Variants in DLGAP1 observed in about 807,000 individuals in gnomAD.
DLGAP1 encodes the protein disks large-associated protein 1.
A neutral mutation model predicts 90.8 loss-of-function variants in DLGAP1; 11 were observed. The ratio of observed to expected loss-of-function variants is 0.12; its 90% confidence interval spans 0.08 to 0.20. The LOEUF (loss-of-function observed/expected upper bound fraction) is 0.20. DLGAP1 is among the 10% of genes least tolerant of loss of function. DLGAP1 has a pLI of 1.00. For synonymous variants in DLGAP1, 558 were observed against 540.7 expected, an observed-to-expected ratio of 1.03 and a Z score of -0.44; for missense variants, 1,050 against 1,333.8, an observed-to-expected ratio of 0.79 and a Z score of 3.31.
chr18:3,530,261 G>C (rs995509938), intron 10 of DLGAP1, among the ~76,000 whole-genome samples: 4 of 152,058 alleles, frequency 2.6e-5, no homozygotes, highest in Admixed American at 2.0e-4. Context: ...TTAAAAATTA[G>C]CCAGGCATGG....
intron 1 of DLGAP1, among the ~76,000 whole-genome samples, chr18:4,449,218 T>C (rs2083753307): frequency 6.6e-6 from 1 of 152,214 alleles, no homozygotes; most frequent in South Asian, 2.1e-4. Context: ...ACTAATATGT[T>C]AATTTTGAAT....
intron 1 of DLGAP1, among the ~76,000 whole-genome samples, chr18:4,435,368 T>G (rs1196556350): frequency 6.6e-6 from 1 of 152,052 alleles, no homozygotes; most frequent in East Asian, 1.9e-4. Flanking sequence ...AAACAGAAAA[T>G]ATAGTCACAT....
rs558187637 is a variant in DLGAP1 at position 4,158,458 on chromosome 18, C to T, written c.-266-7171G>A. ...CCCTGGGCCCTGCAAATTATGTAGC[C>T]ATTAACATTCACCCTGATGTTATGA... On this transcript the variant is annotated intron_variant, in intron 1 of 12. Transcript: ENST00000315677. 1.8e-3 allele frequency among the ~76,000 whole-genome samples: 273 copies of T among 152,230 alleles called. 1 individual carries two copies. The highest frequency in any genetic ancestry group is 5.5e-3 in the African/African-American group (229 of 41,534).
intron 7 of DLGAP1, among the ~76,000 whole-genome samples, chr18:3,659,394 T>TATATACACAC (rs1555618610): frequency 5.5e-4 from 56 of 102,168 alleles, no homozygotes; most frequent in South Asian, 4.6e-3. Flanking sequence ...CATACATTTA[T>TATATACACAC]ACACACACAC....
intron 1 of DLGAP1, among the ~76,000 whole-genome samples, chr18:4,345,730 G>A (rs762684768): frequency 3.3e-5 from 5 of 152,164 alleles, no homozygotes; most frequent in African/African-American, 9.7e-5. Flanking sequence ...CACCTCAATC[G>A]ATGTTCAATG....
chr18:4,020,750 C>T (rs769041008), intron 2 of DLGAP1, among the ~76,000 whole-genome samples: 1 of 152,142 alleles, frequency 6.6e-6, no homozygotes, highest in Non-Finnish European at 1.5e-5. Flanking sequence ...AACGGGGGAC[C>T]AGTCGGCCTT....
chr18:3,672,435 G>C (rs1302205692), intron 7 of DLGAP1, among the ~76,000 whole-genome samples: 3 of 151,736 alleles, frequency 2.0e-5, no homozygotes. Context: ...AAATCAGCTG[G>C]GTGTGGTGGC....
In DLGAP1 at chr18:3,660,574, T is replaced by C. The variant is rs1267136365; in HGVS notation, c.1591+68561A>G. ...TCTTATCAATCCCAGCAAATGTACTTCAAATACGTTATTTCAATTATGGAT... is the reference window on the plus strand; with the variant it reads ...TCTTATCAATCCCAGCAAATGTACTCCAAATACGTTATTTCAATTATGGAT... On this transcript the variant is annotated intron_variant, in intron 7 of 12. Coordinates refer to ENST00000315677, the MANE Select transcript of DLGAP1 (RefSeq NM_004746.4). This position sits in a 1 kb window ranked among gnomAD's most constrained non-coding sequence, Gnocchi z 4.2. Among the ~76,000 whole-genome samples the C allele has an allele frequency of 6.6e-6, 1 of 152,252 alleles. No individual in the cohort carries two copies. Among genetic ancestry groups the C allele is most frequent in the Non-Finnish European group, 1.5e-5 (1 of 68,052 alleles).
At chr18:3,772,845 T>C (rs534126287) in intron 5 of DLGAP1, among the ~76,000 whole-genome samples, 1 of 152,208 alleles carries the variant, frequency 6.6e-6, no homozygotes, top group Admixed American at 6.5e-5. Context: ...AGGTGATTCT[T>C]AACTGCACTA....
At chr18:4,419,799 T>C (rs1471045837) in intron 1 of DLGAP1, among the ~76,000 whole-genome samples, 1 of 151,178 alleles carries the variant, frequency 6.6e-6, no homozygotes. Context: ...TAGGGAAAAA[T>C]AGAAACATAA....
chr18:4,325,893 T>C (rs1019996488), intron 1 of DLGAP1, among the ~76,000 whole-genome samples: 17 of 152,110 alleles, frequency 1.1e-4, no homozygotes, highest in African/African-American at 3.6e-4. Flanking sequence ...ATGTAAAACC[T>C]AAAACTATAA....
At chr18:3,933,888 A>G (rs1041965148) in intron 3 of DLGAP1, among the ~76,000 whole-genome samples, 8 of 152,166 alleles carry the variant, frequency 5.3e-5, no homozygotes, top group African/African-American at 1.9e-4. Context: ...AAGAGACCCT[A>G]TCTTCCTCCA....
At chr18:3,922,126 G>T (rs771703814) in intron 3 of DLGAP1, among the ~76,000 whole-genome samples, 3 of 152,170 alleles carry the variant, frequency 2.0e-5, no homozygotes, top group Non-Finnish European at 2.9e-5. Context: ...TAGGAAATGT[G>T]AGATCAAGAC....
chr18:4,145,898 A>G (rs2076578043), intron 2 of DLGAP1, among the ~76,000 whole-genome samples: 1 of 152,162 alleles, frequency 6.6e-6, no homozygotes, highest in Admixed American at 6.5e-5. Flanking sequence ...GACACTGAGG[A>G]ATCACTCTTG....
chr18:3,855,962 A>G (rs2069618858), intron 4 of DLGAP1, among the ~76,000 whole-genome samples: 1 of 152,178 alleles, frequency 6.6e-6, no homozygotes, highest in African/African-American at 2.4e-5. Context: ...AGAGAAGTGG[A>G]TTTGGATTCA....
At chr18:3,969,093 C>A (rs564115114) in intron 3 of DLGAP1, among the ~76,000 whole-genome samples, 1 of 151,946 alleles carries the variant, frequency 6.6e-6, no homozygotes, top group East Asian at 1.9e-4. Flanking sequence ...TTTTCCTTAA[C>A]AATATTCAAA....
chr18:3,839,967 A>T (rs1049998943), intron 4 of DLGAP1, among the ~76,000 whole-genome samples: 1 of 151,890 alleles, frequency 6.6e-6, no homozygotes. Flanking sequence ...TCTCAAGGAG[A>T]CCTCACTTCT....
At chr18:3,810,293 T>G (rs1040928428) in intron 5 of DLGAP1, among the ~76,000 whole-genome samples, 5 of 152,102 alleles carry the variant, frequency 3.3e-5, no homozygotes, top group African/African-American at 1.2e-4. Context: ...TAACTAACAC[T>G]AAGCAGCTGA....
At chr18:3,614,434 C>A (rs2057760954) in intron 7 of DLGAP1, among the ~76,000 whole-genome samples, 1 of 152,122 alleles carries the variant, frequency 6.6e-6, no homozygotes, top group Admixed American at 6.6e-5. Flanking sequence ...GATCTCTAAT[C>A]ATAAATTGCA....
Sources: allele counts gnomAD v4.1 joint callset (sites outside exome capture counted in the v4.1 genomes callset), GRCh38; gene constraint gnomAD v4.1.1; non-coding constraint Gnocchi (gnomAD v3.1); transcripts MANE v1.5; gene names NCBI Gene and HGNC (gene_info 2026-07-23, HGNC 2026-07-21).